RCOR3: variants seen among roughly 807,000 people sequenced by gnomAD.
The protein encoded by RCOR3 is REST corepressor 3.
Under a neutral mutation model 64.1 loss-of-function variants are expected in RCOR3, and 13 were observed. That is an observed-to-expected ratio of 0.20 (90% CI 0.13 to 0.32). The LOEUF (loss-of-function observed/expected upper bound fraction) is 0.32, where lower values mean the gene tolerates loss of function less well. RCOR3 is among the 10% of genes least tolerant of loss of function. The probability of loss-of-function intolerance (pLI) is 1.00; values close to 1 mark genes in which losing one functional copy is unlikely to be tolerated. For synonymous variants in RCOR3, 215 were observed against 239.0 expected, an observed-to-expected ratio of 0.90 and a Z score of 0.93; for missense variants, 489 against 701.2, an observed-to-expected ratio of 0.70 and a Z score of 3.42.
rs540233869 is a variant in RCOR3, at chr1:211,316,358, T to C, written c.*2590T>C. 3.2e-4 allele frequency: 48 copies of C among 152,180 alleles called. No individual in the cohort carries two copies. Among genetic ancestry groups the C allele is most frequent in the Non-Finnish European group, 5.4e-4 (37 of 68,004 alleles). 9.4% of individuals were successfully genotyped at this position (152,180 alleles called of 1,614,324 possible). ...AAGCTTGCAATTGAGTAAAATAGAA[T>C]ATAAAATAAAGGTGAAATAATATAA... is the stretch of plus-strand genomic sequence containing the variant. On this transcript the variant is annotated 3_prime_UTR_variant, in exon 12 of 12. Coordinates refer to ENST00000419091, the MANE Select transcript of RCOR3 (RefSeq NM_001136223.3).
At chr1:211,278,306 T>A in intron 6 of RCOR3, 65 bp downstream of exon 6, 1 of 1,539,906 alleles carries the variant, frequency 6.5e-7, no homozygotes, top group South Asian at 1.2e-5. Context: ...TTACATTTCC[T>A]AAGGCAGAAA....
intron 7 of RCOR3, among the ~76,000 whole-genome samples, chr1:211,281,152 TC>T (rs1161901689): frequency 6.6e-6 from 1 of 152,118 alleles, no homozygotes; most frequent in Non-Finnish European, 1.5e-5. Context: ...CATCCAGTGA[TC>T]AGTTGTATTC....
chr1:211,276,373 A>G lies in RCOR3; in HGVS notation c.471A>G (p.Gln157=), dbSNP rs769669661. 15 of 1,613,738 alleles carry G rather than the reference A, an allele frequency of 9.3e-6. No homozygotes were observed. The South Asian group carries it at 1.6e-4, about 18-fold the overall frequency. The change falls in exon 5 of 12, where the codon CAA becomes CAG. Residue 157 remains glutamine (Q), a synonymous_variant. Coordinates refer to ENST00000419091, the MANE Select transcript of RCOR3 (RefSeq NM_001136223.3). ...TGGAAGATAAAGTCCTATTTGAACA[A>G]GCCTTTAGTTTTCATGGAAAGAGCT... is the stretch of plus-strand genomic sequence containing the variant. ...WTVEDKVLFE[Q]AFSFHGKSFH... is the part of the protein sequence containing the mutation.
intron 2 of RCOR3, among the ~76,000 whole-genome samples, chr1:211,260,712 T>TC (rs1418649105): frequency 6.7e-6 from 1 of 149,414 alleles, no homozygotes; most frequent in Non-Finnish European, 1.5e-5. Flanking sequence ...TCGCGGCAGC[T>TC]CTGCGGAGTG....
At chr1:211,294,379 GGTAAA>G (rs1435823348) in intron 8 of RCOR3, among the ~76,000 whole-genome samples, 1 of 151,780 alleles carries the variant, frequency 6.6e-6, no homozygotes, top group African/African-American at 2.4e-5. Context: ...TTTTTTTCAA[GGTAAA>G]GTACTGTCTT....
intron 8 of RCOR3, among the ~76,000 whole-genome samples, chr1:211,292,579 T>C (rs1297618827): frequency 6.6e-6 from 1 of 152,212 alleles, no homozygotes; most frequent in East Asian, 1.9e-4. Context: ...AGGTTTGCAC[T>C]CATGGGTTTA....
At chr1:211,278,659 T>C (rs925334842) in intron 6 of RCOR3, among the ~76,000 whole-genome samples, 2 of 152,180 alleles carry the variant, frequency 1.3e-5, no homozygotes, top group African/African-American at 4.8e-5. Context: ...TGTGTTCCCA[T>C]TTCCCAAATG....
intron 7 of RCOR3, among the ~76,000 whole-genome samples, chr1:211,281,898 A>T (rs935359328): frequency 6.6e-6 from 1 of 152,152 alleles, no homozygotes; most frequent in Non-Finnish European, 1.5e-5. Context: ...TGAGCTCTTT[A>T]AGAGCAAGAA....
At chr1:211,279,605 CCATGGGCCATTCAT>C (rs1344164834) in intron 7 of RCOR3, among the ~76,000 whole-genome samples, 1 of 152,184 alleles carries the variant, frequency 6.6e-6, no homozygotes, top group African/African-American at 2.4e-5. Context: ...AAACCCAATG[CCATGGGCCATTCAT>C]CACCTTAAGC....
chr1:211,261,159 C>G (rs988967852), intron 2 of RCOR3: 2 of 152,092 alleles, frequency 1.3e-5, no homozygotes, highest in Admixed American at 6.6e-5. Context: ...GCGTTTGTGT[C>G]AGACATTGGA....
In RCOR3 at chr1:211,278,167, A is replaced by G. The variant is rs1257822406; in HGVS notation, c.567A>G (p.Lys189=). The change falls in exon 6 of 12, where the codon AAA becomes AAG. Residue 189 remains lysine, a synonymous_variant. Transcript: ENST00000419091. ...TTGTAAAATATTACTATTCTTGGAA[A>G]AAAACTCGCTCTAGGACAAGTTTGA... is the stretch of plus-strand genomic sequence containing the variant. ...ASLVKYYYSW[K]KTRSRTSLMD... is the part of the protein sequence containing the mutation. 3 of 1,607,116 alleles carry G rather than the reference A, an allele frequency of 1.9e-6. No individual in the cohort carries two copies. Among genetic ancestry groups the G allele is most frequent in the Non-Finnish European group, 2.5e-6 (3 of 1,178,394 alleles).
chr1:211,312,141 C>T lies in RCOR3; in HGVS notation c.1076-579C>T. ...AATCCACCAACTTGTGATGATTCTC[C>T]TGCTTTTCATGTTTAAGTTCTTATC... On this transcript the variant is annotated intron_variant, in intron 10 of 11. Transcript: ENST00000419091. This position sits in a 1 kb window ranked among gnomAD's most constrained non-coding sequence, Gnocchi z 5.0. The T allele has an allele frequency of 9.9e-6, 2 of 201,938 alleles. No individual in the cohort carries two copies. Among genetic ancestry groups the T allele is most frequent in the Non-Finnish European group, 2.2e-5 (2 of 92,860 alleles). The allele number at this position is 201,938 out of a possible 1,614,324, so 12.5% of individuals were successfully genotyped here.
At chr1:211,260,343 G>A (rs908560186) in intron 2 of RCOR3, among the ~76,000 whole-genome samples, 179 bp downstream of exon 2, 1 of 152,222 alleles carries the variant, frequency 6.6e-6, no homozygotes, top group Non-Finnish European at 1.5e-5. Flanking sequence ...GTGGGCAGAT[G>A]TGTGCACTGC....
Position 211,313,590 on chromosome 1 carries a change from A to T in RCOR3, c.1484A>T (p.Gln495Leu), listed in dbSNP as rs747254888. 1 of 1,614,062 alleles carries T rather than the reference A, an allele frequency of 6.2e-7. No homozygotes were observed. Among genetic ancestry groups the T allele is most frequent in the African/African-American group, 1.3e-5 (1 of 75,002 alleles). The change falls in exon 12 of 12, where the codon CAG becomes CTG. Residue 495 changes from glutamine to leucine, a missense_variant. Gln to Leu is a moderately radical substitution (Grantham distance 113). Around this residue, in one of 2 missense-constraint regions of RCOR3, gnomAD observed 402 missense variants for 617.0 expected, o/e 0.65. Transcript: ENST00000419091. The surrounding 1 kb of genome is among the most constrained non-coding windows in gnomAD (Gnocchi z 4.7). ...ALHRQPPPLQ[Q>L]QARFIQPRPT... ...CACCGGCAGCCTCCTCCACTCCAGCAGCAGGCTCGGTTCATCCAGCCCCGG... is the reference window on the plus strand; with the variant it reads ...CACCGGCAGCCTCCTCCACTCCAGCTGCAGGCTCGGTTCATCCAGCCCCGG...
At chr1:211,279,446 G>A (rs1397010571) in intron 7 of RCOR3, 130 bp downstream of exon 7, 7 of 612,328 alleles carry the variant, frequency 1.1e-5, no homozygotes, top group East Asian at 9.0e-5. Flanking sequence ...GTGTTAATTA[G>A]CAATACAGTC....
intron 2 of RCOR3, among the ~76,000 whole-genome samples, chr1:211,260,725 G>A (rs924174352): frequency 6.6e-6 from 1 of 152,006 alleles, no homozygotes; most frequent in Admixed American, 6.6e-5. Flanking sequence ...GCGGAGTGCA[G>A]GAGCCGCGGA....
At chr1:211,260,313 C>G (rs1230490786) in intron 2 of RCOR3, 149 bp downstream of exon 2, 2 of 670,078 alleles carry the variant, frequency 3.0e-6, no homozygotes, top group Non-Finnish European at 5.2e-6. Flanking sequence ...CAGGCTTGGC[C>G]GGGCTGTGAC....
chr1:211,260,101 T>G lies in RCOR3; in HGVS notation c.167-7T>G. On this transcript the variant is annotated splice_polypyrimidine_tract_variant and splice_region_variant and intron_variant, in intron 1 of 11. Coordinates refer to ENST00000419091, the MANE Select transcript of RCOR3 (RefSeq NM_001136223.3). ...TTTTATATATATTTTTTGGCATTGC[T>G]TTGCAGATGTTGGGATGAGAGTCGG... The G allele has an allele frequency of 6.2e-7, 1 of 1,608,672 alleles. No individual in the cohort carries two copies.
At chr1:211,271,398 A>C in intron 3 of RCOR3, 89 bp downstream of exon 3, 1 of 970,758 alleles carries the variant, frequency 1.0e-6, no homozygotes, top group Non-Finnish European at 1.6e-6. Flanking sequence ...GGTCTTATAG[A>C]TTCTCATAAG....
Sources: gnomAD v4.1 joint callset for allele counts (sites outside exome capture counted in the v4.1 genomes callset) on GRCh38, gnomAD v4.1.1 for gene constraint, gnomAD v4.1.1 regional missense constraint, Gnocchi (gnomAD v3.1) non-coding constraint, MANE v1.5 for transcripts, NCBI Gene and HGNC (gene_info 2026-07-23, HGNC 2026-07-21) for gene names.